The following RIGI variants were observed in gnomAD, a reference collection of about 807,000 sequenced individuals.
The protein encoded by RIGI is antiviral innate immune response receptor RIG-I.
the RIGI span, among the ~76,000 whole-genome samples, chr9:32,473,931 G>C: frequency 2.6e-5 from 4 of 152,212 alleles, no homozygotes; most frequent in Admixed American, 2.6e-4. Flanking sequence ...AGGAAGCTGA[G>C]GCAAGAGAAT....
At chr9:32,507,914 T>C in the RIGI span, among the ~76,000 whole-genome samples, 5 of 152,190 alleles carry the variant, frequency 3.3e-5, no homozygotes, top group Admixed American at 1.3e-4. Flanking sequence ...TAAAAGATGT[T>C]TGACCTAATT....
At chr9:32,458,497 G>A in the RIGI span, among the ~76,000 whole-genome samples, 1 of 152,132 alleles carries the variant, frequency 6.6e-6, no homozygotes, top group Non-Finnish European at 1.5e-5. Context: ...CAATGACAAT[G>A]AATGTATTTG....
chr9:32,519,398 A>C, the RIGI span, among the ~76,000 whole-genome samples: 1 of 152,168 alleles, frequency 6.6e-6, no homozygotes, highest in Non-Finnish European at 1.5e-5. Flanking sequence ...GCTTCCAAAA[A>C]TTGTTGGTGG....
the RIGI span, among the ~76,000 whole-genome samples, chr9:32,513,142 T>C: frequency 6.6e-5 from 10 of 151,866 alleles, no homozygotes; most frequent in African/African-American, 2.4e-4. Context: ...ATGGCCATAC[T>C]GCCCAAGGTA....
the RIGI span, among the ~76,000 whole-genome samples, chr9:32,493,451 C>G: frequency 6.6e-6 from 1 of 152,032 alleles, no homozygotes; most frequent in Non-Finnish European, 1.5e-5. Flanking sequence ...TGGTGAAACC[C>G]CATCTCTACT....
chr9:32,507,368 T>A, the RIGI span, among the ~76,000 whole-genome samples: 1 of 152,180 alleles, frequency 6.6e-6, no homozygotes, highest in African/African-American at 2.4e-5. Context: ...ATGGAAAACA[T>A]AGACATTAAA....
At chr9:32,474,819 G>A in the RIGI span, among the ~76,000 whole-genome samples, 34 of 152,144 alleles carry the variant, frequency 2.2e-4, 1 homozygote, top group South Asian at 1.5e-3. Flanking sequence ...CAGTTTTAGG[G>A]TAATTGTTCC....
At chr9:32,459,477 T>C in the RIGI span, 13 of 1,612,494 alleles carry the variant, frequency 8.1e-6, no homozygotes, top group South Asian at 8.8e-5. Context: ...TTCTTGACTA[T>C]CTCTGATGAA....
At chr9:32,461,863 A>T in the RIGI span, among the ~76,000 whole-genome samples, 1 of 152,190 alleles carries the variant, frequency 6.6e-6, no homozygotes, top group Non-Finnish European at 1.5e-5. Flanking sequence ...GAACCATTTT[A>T]TCAAGTTAAA....
At chr9:32,457,485 A>C in the RIGI span, 1 of 995,228 alleles carries the variant, frequency 1.0e-6, no homozygotes. Flanking sequence ...TTGTGATTTA[A>C]AAAAAAAAAA....
the RIGI span, chr9:32,481,447 G>A: frequency 3.1e-6 from 5 of 1,600,772 alleles, no homozygotes; most frequent in East Asian, 9.0e-5. Flanking sequence ...ACAATCCATT[G>A]TTCATATTTC....
chr9:32,521,341 G>T, the RIGI span, among the ~76,000 whole-genome samples: 1 of 152,004 alleles, frequency 6.6e-6, no homozygotes, highest in Non-Finnish European at 1.5e-5. Context: ...AGTGAACTGT[G>T]GGGGGAAGAA....
At chr9:32,480,420 A>G in the RIGI span, 2 of 1,416,880 alleles carry the variant, frequency 1.4e-6, no homozygotes, top group Non-Finnish European at 1.9e-6. Context: ...ATTTAAGTTC[A>G]ATTCGTTGTA....
At chr9:32,482,350 A>G in the RIGI span, among the ~76,000 whole-genome samples, 2 of 152,214 alleles carry the variant, frequency 1.3e-5, no homozygotes, top group African/African-American at 4.8e-5. Flanking sequence ...AAGCCAAGTA[A>G]TAAGTAATTT....
chr9:32,473,374 G>A, the RIGI span, among the ~76,000 whole-genome samples: 2 of 139,144 alleles, frequency 1.4e-5, no homozygotes, highest in African/African-American at 2.7e-5. Context: ...TGCAACCTCC[G>A]CCTCCCAGGT....
chr9:32,461,081 A>C, the RIGI span, among the ~76,000 whole-genome samples: 1 of 152,036 alleles, frequency 6.6e-6, no homozygotes. Flanking sequence ...CCATAGGGGG[A>C]AATCAGTCTG....
chr9:32,525,936 A>C, the RIGI span: 1 of 783,530 alleles, frequency 1.3e-6, no homozygotes, highest in Non-Finnish European at 2.2e-6. Flanking sequence ...AATGCTGCGG[A>C]GATCTTACCA....
At chr9:32,484,975 T>G in the RIGI span, among the ~76,000 whole-genome samples, 776 of 152,190 alleles carry the variant, frequency 5.1e-3, 5 homozygotes, top group African/African-American at 0.018. Flanking sequence ...TGAACTTACT[T>G]TGGATTTAAA....
chr9:32,472,003 T>G, the RIGI span, among the ~76,000 whole-genome samples: 21 of 151,838 alleles, frequency 1.4e-4, no homozygotes, highest in Non-Finnish European at 2.9e-4. Context: ...GACTTGTCAG[T>G]GCCAGTCACT....
Sources: gnomAD v4.1 joint callset for allele counts (sites outside exome capture counted in the v4.1 genomes callset) on GRCh38, gnomAD v4.1.1 for gene constraint, MANE v1.5 for transcripts, NCBI Gene and HGNC (gene_info 2026-07-23, HGNC 2026-07-21) for gene names.